Variants in NCKAP5 observed in about 807,000 individuals in gnomAD.
NCKAP5 encodes nck-associated protein 5.
Under a neutral mutation model 167.0 loss-of-function variants are expected in NCKAP5, and 92 were observed. That is an observed-to-expected ratio of 0.55 (90% CI 0.47 to 0.66). The LOEUF (loss-of-function observed/expected upper bound fraction) is 0.66, where lower values mean the gene tolerates loss of function less well. NCKAP5 is among the 30% of genes least tolerant of loss of function. NCKAP5 has a pLI of 0.00. For synonymous variants in NCKAP5, 891 were observed against 877.4 expected (o/e 1.02, Z -0.27); for missense variants, 2,378 against 2,315.0 (o/e 1.03, Z -0.56).
intron 7 of NCKAP5, among the ~76,000 whole-genome samples, chr2:132,987,241 C>G (rs914235478): frequency 6.6e-6 from 1 of 151,818 alleles, no homozygotes; most frequent in African/African-American, 2.4e-5. Context: ...TAATAGGGGT[C>G]TGGCACAACA....
chr2:132,920,697 ATATACG>A lies in NCKAP5; in HGVS notation c.580-41787_580-41782del, dbSNP rs1309601148. Among the ~76,000 whole-genome samples, 249 of 124,330 alleles carry A rather than the reference ATATACG, an allele frequency of 2.0e-3. 12 individuals carry two copies. Among genetic ancestry groups the A allele is most frequent in the African/African-American group, 7.6e-3 (225 of 29,544 alleles). 81.6% of individuals were successfully genotyped at this position (124,330 alleles called of 152,430 possible). A position where few individuals can be genotyped will look rare whatever the true frequency, so the allele number is the denominator to read the frequency against. ...TATATATAAGTTAGTTTATATATATATATACGTATATGTATATATATGTATATATAT... is the reference window on the plus strand; with the variant it reads ...TATATATAAGTTAGTTTATATATATATATATGTATATATATGTATATATAT... On this transcript the variant is annotated intron_variant, in intron 8 of 19. Transcript: ENST00000409261.
intron 3 of NCKAP5, chr2:133,390,962 T>G (rs1437151046): frequency 6.6e-6 from 1 of 152,230 alleles, no homozygotes; most frequent in African/African-American, 2.4e-5. Context: ...TTTTATGTAT[T>G]AAGAATTTCG....
At chr2:132,720,510 A>G (rs1169479014) in intron 19 of NCKAP5, among the ~76,000 whole-genome samples, 1 of 152,208 alleles carries the variant, frequency 6.6e-6, no homozygotes, top group Non-Finnish European at 1.5e-5. Context: ...AAAACCAGGG[A>G]ATGTGGGGCC....
At chr2:132,712,664 G>GA (rs890083267) in intron 19 of NCKAP5, among the ~76,000 whole-genome samples, 16 of 150,292 alleles carry the variant, frequency 1.1e-4, no homozygotes, top group South Asian at 2.1e-4. Flanking sequence ...AAAAAGAAAG[G>GA]AAAAAAAAAG....
intron 6 of NCKAP5, among the ~76,000 whole-genome samples, chr2:133,036,464 A>G (rs1391686715): frequency 2.0e-5 from 3 of 152,104 alleles, no homozygotes; most frequent in Non-Finnish European, 4.4e-5. Flanking sequence ...TAGGAAATTC[A>G]TTCATCATGA....
At chr2:133,056,603 C>T (rs989648194) in intron 6 of NCKAP5, among the ~76,000 whole-genome samples, 6 of 152,134 alleles carry the variant, frequency 3.9e-5, no homozygotes, top group African/African-American at 7.2e-5. Flanking sequence ...GTGCTAAATA[C>T]GACCAGGATA....
At chr2:132,844,629 T>C (rs1688535769) in intron 11 of NCKAP5, among the ~76,000 whole-genome samples, 1 of 152,200 alleles carries the variant, frequency 6.6e-6, no homozygotes. Context: ...ATGGTTTAAC[T>C]TGATACTTTT....
chr2:132,695,928 T>G (rs1687266306), intron 19 of NCKAP5, among the ~76,000 whole-genome samples: 1 of 152,246 alleles, frequency 6.6e-6, no homozygotes, highest in Non-Finnish European at 1.5e-5. Context: ...TTGTTGATTA[T>G]TTTTCTTCTG....
chr2:133,404,981 C>T (rs1430297603), intron 3 of NCKAP5, among the ~76,000 whole-genome samples: 1 of 152,190 alleles, frequency 6.6e-6, no homozygotes, highest in Non-Finnish European at 1.5e-5. Flanking sequence ...AGGCTTCCCA[C>T]TAAACTTAGA....
intron 16 of NCKAP5, among the ~76,000 whole-genome samples, chr2:132,770,640 ATTGG>A (rs1227285058): frequency 6.6e-6 from 1 of 152,050 alleles, no homozygotes; most frequent in Non-Finnish European, 1.5e-5. Context: ...ATGTACTTCC[ATTGG>A]AGTAATCTAA....
Position 133,559,779 on chromosome 2 carries a change from A to G in NCKAP5, c.-129-662T>C, listed in dbSNP as rs1333088402. ...GCTGTAGTTATAAGCCTTCCATTAT[A>G]CTGTCTGCATTAATTGACTCCAAAG... On this transcript the variant is annotated intron_variant, in intron 1 of 19. Transcript: ENST00000409261. Among the ~76,000 whole-genome samples the G allele has an allele frequency of 3.3e-5, 5 of 152,206 alleles. No homozygotes were observed. In the East Asian group the frequency reaches 9.6e-4, roughly 29 times the overall value.
At chr2:133,125,818 T>C (rs747287026) in intron 6 of NCKAP5, among the ~76,000 whole-genome samples, 2 of 152,226 alleles carry the variant, frequency 1.3e-5, no homozygotes, top group Non-Finnish European at 2.9e-5. Context: ...TATGAGCTTA[T>C]GGCTGATTAG....
Position 133,065,119 on chromosome 2 carries a change from A to G in NCKAP5, c.341+64859T>C, listed in dbSNP as rs1035567768. ...AGTAGAATAATCTCCTCTCCTCTCT[A>G]GCCACCAGAGTAAGCAAAAAGGAAA... On this transcript the variant is annotated intron_variant, in intron 6 of 19. Transcript: ENST00000409261. Among the ~76,000 whole-genome samples the G allele has an allele frequency of 2.0e-5, 3 of 152,154 alleles. No homozygotes were observed. In the South Asian group the frequency reaches 6.2e-4, roughly 32 times the overall value.
In NCKAP5 at chr2:133,320,601, A is replaced by G. The variant is rs1308832442; in HGVS notation, c.70-17491T>C. On this transcript the variant is annotated intron_variant, in intron 3 of 19. Coordinates refer to ENST00000409261, the MANE Select transcript of NCKAP5 (RefSeq NM_207363.3). ...AAATTAGCCAGGCGTGGTGGTGGGC[A>G]CCCGTAGTCCCAGCTACTCGGGAGG... is the stretch of plus-strand genomic sequence containing the variant. Among the ~76,000 whole-genome samples, 3 of 152,100 alleles carry G rather than the reference A, an allele frequency of 2.0e-5. No homozygotes were observed. The East Asian group carries it at 5.8e-4, about 30-fold the overall frequency.
chr2:132,914,742 A>C (rs1381937186), intron 8 of NCKAP5, among the ~76,000 whole-genome samples: 1 of 152,026 alleles, frequency 6.6e-6, no homozygotes, highest in Non-Finnish European at 1.5e-5. Context: ...TTTTATTTCA[A>C]TACAAATGAG....
chr2:132,751,443 C>A (rs1209906309), intron 16 of NCKAP5, among the ~76,000 whole-genome samples: 2 of 152,162 alleles, frequency 1.3e-5, no homozygotes, highest in Non-Finnish European at 2.9e-5. Flanking sequence ...AGCACAGCCT[C>A]AGGTATTCCT....
At chr2:133,034,597 A>C (rs528908490) in intron 6 of NCKAP5, among the ~76,000 whole-genome samples, 1 of 152,246 alleles carries the variant, frequency 6.6e-6, no homozygotes, top group Non-Finnish European at 1.5e-5. Context: ...GTAAATAGAA[A>C]CAAAAAAATT....
chr2:133,589,015 G>A, the NCKAP5 span, among the ~76,000 whole-genome samples: 1 of 152,200 alleles, frequency 6.6e-6, no homozygotes, highest in African/African-American at 2.4e-5. Flanking sequence ...AGACAAGGTA[G>A]CAACTCTGGC....
chr2:133,528,965 AC>A (rs1685138577), intron 2 of NCKAP5, among the ~76,000 whole-genome samples: 1 of 151,970 alleles, frequency 6.6e-6, no homozygotes, highest in South Asian at 2.1e-4. Flanking sequence ...TTGGATTTTC[AC>A]CTACTAGCCA....
Sources: allele counts gnomAD v4.1 joint callset (sites outside exome capture counted in the v4.1 genomes callset), GRCh38; gene constraint gnomAD v4.1.1; transcripts MANE v1.5; gene names NCBI Gene and HGNC (gene_info 2026-07-23, HGNC 2026-07-21).